Variants in TMEM132C observed in about 807,000 individuals in gnomAD.
The protein encoded by TMEM132C is protein phosphatase 1, regulatory subunit 152.
TMEM132C carries 29 observed loss-of-function variants against 61.4 expected under a neutral mutation model. The observed-to-expected ratio is 0.47, with a 90% CI of 0.35 to 0.64. TMEM132C has a LOEUF of 0.64. Among genes scored for constraint, TMEM132C ranks in the 30% least tolerant of loss-of-function variants. The pLI is 0.00. For missense variants in TMEM132C, 1,408 were observed against 1,476.9 expected (o/e 0.95, Z 0.76); for synonymous variants, 656 against 633.1 (o/e 1.04, Z -0.54).
At chr12:128,335,633 A>G (rs1031708356) in intron 1 of TMEM132C, among the ~76,000 whole-genome samples, 1 of 152,232 alleles carries the variant, frequency 6.6e-6, no homozygotes, top group African/African-American at 2.4e-5. Flanking sequence ...AAAAGAGAGG[A>G]AAGTTAAACT....
chr12:128,498,545 C>T (rs767951744), intron 2 of TMEM132C, among the ~76,000 whole-genome samples: 1 of 151,986 alleles, frequency 6.6e-6, no homozygotes, highest in African/African-American at 2.4e-5. Context: ...TTTGGTGGTG[C>T]ATGCCTGTAA....
chr12:128,616,071 T>C (rs184788522), intron 3 of TMEM132C, 81 bp from the exon 4 acceptor site: 1 of 1,453,376 alleles, frequency 6.9e-7, no homozygotes, highest in East Asian at 2.5e-5. Context: ...TCTTTGTCTT[T>C]ATCTTCTGCG....
rs182903537 is a variant in TMEM132C at position 128,488,786 on chromosome 12, G to T, written c.975-55171G>T. ...TCTTCAAACGTCAAAAACTTTCTTT[G>T]CAATAACTAGGATGCAAAGGGCTCT... On this transcript the variant is annotated intron_variant, in intron 2 of 8. Coordinates refer to ENST00000435159, the MANE Select transcript of TMEM132C (RefSeq NM_001136103.3). 3.1e-3 allele frequency among the ~76,000 whole-genome samples: 471 copies of T among 152,034 alleles called. 4 individuals carry two copies. Among genetic ancestry groups the T allele is most frequent in the African/African-American group, 0.011 (447 of 41,484 alleles).
At chr12:128,462,900 T>A (rs1870590427) in intron 2 of TMEM132C, among the ~76,000 whole-genome samples, 1 of 152,112 alleles carries the variant, frequency 6.6e-6, no homozygotes, top group Non-Finnish European at 1.5e-5. Context: ...AAACAAATAG[T>A]GGGTTGTTTT....
rs372038174 is a variant in TMEM132C, at chr12:128,452,992, A to T, written c.974+37372A>T. 4.6e-5 allele frequency among the ~76,000 whole-genome samples: 7 copies of T among 152,248 alleles called. No homozygotes were observed. In the East Asian group the frequency reaches 7.7e-4, roughly 17 times the overall value. On this transcript the variant is annotated intron_variant, in intron 2 of 8. Transcript: ENST00000435159. ...TTATGTAAACTACAGAAATGGTAGT[A>T]TATGGATATAGAAAGATGGGGATAC...
chr12:128,473,569 C>G (rs78540408), intron 2 of TMEM132C, among the ~76,000 whole-genome samples: 1 of 122,668 alleles, frequency 8.2e-6, no homozygotes, highest in Non-Finnish European at 1.7e-5. Flanking sequence ...CATCCTTACT[C>G]CAGCCTCTAT....
At chr12:128,559,146 CACAA>C (rs1402003547) in intron 3 of TMEM132C, among the ~76,000 whole-genome samples, 2 of 150,868 alleles carry the variant, frequency 1.3e-5, no homozygotes, top group East Asian at 1.9e-4. Flanking sequence ...CAGACACACA[CACAA>C]ACACATACAC....
At chr12:128,595,396 A>T (rs2135569403) in intron 3 of TMEM132C, among the ~76,000 whole-genome samples, 1 of 152,302 alleles carries the variant, frequency 6.6e-6, no homozygotes, top group African/African-American at 2.4e-5. Context: ...AAATACTACT[A>T]GAGTCCAGGG....
chr12:128,641,552 T>C (rs1954157915), intron 4 of TMEM132C, among the ~76,000 whole-genome samples: 1 of 152,022 alleles, frequency 6.6e-6, no homozygotes, highest in South Asian at 2.1e-4. Flanking sequence ...TGGAGTGAGG[T>C]TGCTGCAAGC....
chr12:128,289,290 G>A (rs933606691), intron 1 of TMEM132C, among the ~76,000 whole-genome samples: 23 of 152,050 alleles, frequency 1.5e-4, no homozygotes, highest in African/African-American at 2.7e-4. Context: ...GCTCATGTGC[G>A]CACACACACA....
chr12:128,631,141 A>G (rs1001982435), intron 4 of TMEM132C, among the ~76,000 whole-genome samples: 2 of 152,262 alleles, frequency 1.3e-5, no homozygotes, highest in Admixed American at 1.3e-4. Flanking sequence ...CAGACGAAGC[A>G]GTGTTATGTA....
At chr12:128,548,716 T>A (rs1176063231) in intron 3 of TMEM132C, among the ~76,000 whole-genome samples, 1 of 152,220 alleles carries the variant, frequency 6.6e-6, no homozygotes, top group African/African-American at 2.4e-5. Context: ...TTGCCCTCCA[T>A]ATCCATGAGT....
chr12:128,697,269 A>G lies in TMEM132C; in HGVS notation c.1975A>G (p.Thr659Ala), dbSNP rs895098033. 6.5e-7 allele frequency: 1 copy of G among 1,543,056 alleles called. No individual in the cohort carries two copies. Among genetic ancestry groups the G allele is most frequent in the Admixed American group, 2.0e-5 (1 of 50,766 alleles). The stretch of plus-strand genomic sequence containing the variant: ...CTCCATCCTGGCAGAGAAGACAATA[A>G]CCGTGCTAGATGACAAAGTATCGGT... ...SDSILAEKTITVLDDKVSVTD... is the reference protein window; with the variant it reads ...SDSILAEKTIAVLDDKVSVTD... Residue 659 changes from threonine (T) to alanine (A), a missense_variant, in exon 8 of 9, where the codon ACC (threonine) becomes GCC (alanine). Physicochemically the swap from Thr to Ala is moderately conservative, Grantham distance 58. Coordinates refer to ENST00000435159, the MANE Select transcript of TMEM132C (RefSeq NM_001136103.3).
intron 1 of TMEM132C, among the ~76,000 whole-genome samples, chr12:128,395,295 A>C (rs544508771): frequency 1.3e-5 from 2 of 151,286 alleles, no homozygotes; most frequent in Non-Finnish European, 2.9e-5. Flanking sequence ...AGTTGTTTTA[A>C]CATAATTGTT....
At chr12:128,674,592 C>T (rs1954564767) in intron 5 of TMEM132C, among the ~76,000 whole-genome samples, 1 of 152,158 alleles carries the variant, frequency 6.6e-6, no homozygotes, top group Non-Finnish European at 1.5e-5. Flanking sequence ...TGAGGGTTTC[C>T]TCTCCAGCTT....
At chr12:128,639,246 TAATG>T (rs1037808984) in intron 4 of TMEM132C, among the ~76,000 whole-genome samples, 7 of 150,370 alleles carry the variant, frequency 4.7e-5, no homozygotes, top group African/African-American at 1.7e-4. Context: ...ATGATGGTGA[TAATG>T]ATGATGGTGA....
At chr12:128,638,719 G>A (rs1457344912) in intron 4 of TMEM132C, among the ~76,000 whole-genome samples, 1 of 152,190 alleles carries the variant, frequency 6.6e-6, no homozygotes. Context: ...TAGTAAAAGG[G>A]TGGAGAAGAG....
At position 128,544,065 on chromosome 12, in the gene TMEM132C, C is replaced by T. The variant is rs370765303; in HGVS notation, c.1083C>T (p.Thr361=). The T allele has an allele frequency of 4.1e-4, 632 of 1,544,224 alleles. No homozygotes were observed. The highest frequency in any genetic ancestry group is 4.5e-4 in the Non-Finnish European group (518 of 1,143,550). ...GCGGCGGAAAGCACGTGACGGCCAC[C>T]GTGGCCTGCCAGCGCCTGGGGCCCA... is the stretch of plus-strand genomic sequence containing the variant. ...VGSGGKHVTA[T]VACQRLGPSP... is the part of the protein sequence containing the mutation. Residue 361 remains threonine (T), a synonymous_variant, in exon 3 of 9, where the codon ACC becomes ACT. Coordinates refer to ENST00000435159, the MANE Select transcript of TMEM132C (RefSeq NM_001136103.3).
At chr12:128,600,016 G>GCT (rs1320557731) in intron 3 of TMEM132C, among the ~76,000 whole-genome samples, 32 of 152,096 alleles carry the variant, frequency 2.1e-4, no homozygotes, top group Admixed American at 7.9e-4. Context: ...ACAGAGTCTG[G>GCT]CTGTCACCCA....
Sources: gnomAD v4.1 joint callset for allele counts (sites outside exome capture counted in the v4.1 genomes callset) on GRCh38, gnomAD v4.1.1 for gene constraint, MANE v1.5 for transcripts, NCBI Gene and HGNC (gene_info 2026-07-23, HGNC 2026-07-21) for gene names.